MAF: variants seen among roughly 807,000 people sequenced by gnomAD.
MAF encodes the protein MAF bZIP transcription factor.
MAF carries 10 observed loss-of-function variants against 22.0 expected under a neutral mutation model. The observed-to-expected ratio is 0.45, with a 90% CI of 0.28 to 0.77. The LOEUF (loss-of-function observed/expected upper bound fraction) is 0.77, where lower values mean the gene tolerates loss of function less well. Ranked by LOEUF, MAF falls within the 30% of genes least tolerant of loss-of-function variation. The probability of loss-of-function intolerance (pLI) is 0.12; values close to 1 mark genes in which losing one functional copy is unlikely to be tolerated. For missense variants in MAF, 544 were observed against 548.4 expected (o/e 0.99, Z 0.08); for synonymous variants, 337 against 255.8 (o/e 1.32, Z -3.03).
At chr16:79,222,832 A>G in the MAF span, among the ~76,000 whole-genome samples, 4 of 152,230 alleles carry the variant, frequency 2.6e-5, no homozygotes, top group Non-Finnish European at 5.9e-5. Context: ...TCCTAAATAT[A>G]TATGCACCCA....
chr16:79,534,001 G>C, the MAF span, among the ~76,000 whole-genome samples: 3 of 152,206 alleles, frequency 2.0e-5, no homozygotes, highest in Non-Finnish European at 4.4e-5. Flanking sequence ...CTCACCTGAA[G>C]GCCTCACTGT....
At chr16:79,298,141 C>T in the MAF span, among the ~76,000 whole-genome samples, 1,116 of 152,360 alleles carry the variant, frequency 7.3e-3, 16 homozygotes, top group African/African-American at 0.025. Flanking sequence ...ATGAAGCCAG[C>T]TCAGGCGGAG....
the MAF span, among the ~76,000 whole-genome samples, chr16:79,505,383 G>A: frequency 1.3e-5 from 2 of 152,180 alleles, no homozygotes; most frequent in Non-Finnish European, 2.9e-5. Context: ...ATTTTGTGAG[G>A]CTGGTTTGTC....
chr16:79,307,308 C>G, the MAF span, among the ~76,000 whole-genome samples: 7 of 152,186 alleles, frequency 4.6e-5, no homozygotes, highest in African/African-American at 1.7e-4. Context: ...TTCTTCCCTG[C>G]CCTGGAATGG....
chr16:79,358,758 T>C, the MAF span, among the ~76,000 whole-genome samples: 1 of 152,222 alleles, frequency 6.6e-6, no homozygotes, highest in Non-Finnish European at 1.5e-5. Flanking sequence ...GAAACAAGTA[T>C]GCCTCTCCAA....
the MAF span, among the ~76,000 whole-genome samples, chr16:79,360,136 A>G: frequency 6.6e-6 from 1 of 152,112 alleles, no homozygotes; most frequent in African/African-American, 2.4e-5. Flanking sequence ...ATCATGTCTC[A>G]TTCTTGTCTC....
the MAF span, among the ~76,000 whole-genome samples, chr16:79,208,067 G>C: frequency 6.6e-6 from 1 of 152,196 alleles, no homozygotes; most frequent in Non-Finnish European, 1.5e-5. Flanking sequence ...AAATCTGACA[G>C]ATGATTTTTG....
the MAF span, among the ~76,000 whole-genome samples, chr16:79,554,337 T>C: frequency 2.6e-5 from 4 of 152,164 alleles, no homozygotes; most frequent in Non-Finnish European, 5.9e-5. Context: ...CCATGTCTGC[T>C]GGTCTCTAGA....
At chr16:79,234,342 T>G in the MAF span, among the ~76,000 whole-genome samples, 1 of 152,182 alleles carries the variant, frequency 6.6e-6, no homozygotes, top group East Asian at 1.9e-4. Context: ...TAAAAAGCAA[T>G]AGCTTGATAA....
intron 1 of MAF, chr16:79,597,736 A>G (rs1032744441): frequency 2.0e-6 from 2 of 1,020,732 alleles, no homozygotes; most frequent in African/African-American, 3.4e-5. Flanking sequence ...TCGAACGTCC[A>G]TTTCCAAGCC....
At chr16:79,352,850 A>G in the MAF span, among the ~76,000 whole-genome samples, 1 of 152,212 alleles carries the variant, frequency 6.6e-6, no homozygotes, top group Non-Finnish European at 1.5e-5. Context: ...TAGACATTGC[A>G]AAATGTTGCA....
chr16:79,236,815 C>CCGATGA, the MAF span, among the ~76,000 whole-genome samples: 5 of 151,868 alleles, frequency 3.3e-5, no homozygotes, highest in Non-Finnish European at 7.4e-5. Context: ...CACGCCATCT[C>CCGATGA]CGATGACTCC....
the MAF span, among the ~76,000 whole-genome samples, chr16:79,494,840 C>G: frequency 1.3e-5 from 2 of 152,148 alleles, no homozygotes; most frequent in Non-Finnish European, 2.9e-5. Flanking sequence ...GACAAACTGG[C>G]TATAAATTGG....
At chr16:79,565,032 C>T in the MAF span, among the ~76,000 whole-genome samples, 1 of 152,094 alleles carries the variant, frequency 6.6e-6, no homozygotes, top group African/African-American at 2.4e-5. Context: ...GAGTCCGGGC[C>T]CTGACATCAT....
the MAF span, among the ~76,000 whole-genome samples, chr16:79,337,645 T>A: frequency 6.6e-6 from 1 of 152,140 alleles, no homozygotes; most frequent in Non-Finnish European, 1.5e-5. Context: ...TCCATCGTCT[T>A]TAAACATGTC....
At chr16:79,230,420 G>T in the MAF span, among the ~76,000 whole-genome samples, 3 of 152,194 alleles carry the variant, frequency 2.0e-5, no homozygotes, top group African/African-American at 7.2e-5. Flanking sequence ...CCAGACCTCA[G>T]ATAAACGAAG....
At chr16:79,335,392 G>T in the MAF span, among the ~76,000 whole-genome samples, 449 of 152,176 alleles carry the variant, frequency 3.0e-3, 1 homozygote, top group Middle Eastern at 6.8e-3. Flanking sequence ...TGGCTTCTTC[G>T]AAGAAGAAGA....
chr16:79,372,347 A>T, the MAF span, among the ~76,000 whole-genome samples: 1 of 152,210 alleles, frequency 6.6e-6, no homozygotes, highest in Non-Finnish European at 1.5e-5. Context: ...ATGTTAAAAA[A>T]TGAATCCAAA....
chr16:79,299,127 C>T, the MAF span, among the ~76,000 whole-genome samples: 1 of 152,134 alleles, frequency 6.6e-6, no homozygotes, highest in East Asian at 1.9e-4. Flanking sequence ...TTTTCTCCCT[C>T]CTCTGCTGTC....
Sources: gnomAD v4.1 joint callset for allele counts (sites outside exome capture counted in the v4.1 genomes callset) on GRCh38, gnomAD v4.1.1 for gene constraint, MANE v1.5 for transcripts, NCBI Gene and HGNC (gene_info 2026-07-23, HGNC 2026-07-21) for gene names.